The following SMARCB1 variants were observed in gnomAD, a reference collection of about 807,000 sequenced individuals.
The protein encoded by SMARCB1 is SWI/SNF related BAF chromatin remodeling complex subunit B1.
Under a neutral mutation model 49.0 loss-of-function variants are expected in SMARCB1, and 5 were observed. The ratio of observed to expected loss-of-function variants is 0.10; its 90% CI spans 0.05 to 0.21. The LOEUF (loss-of-function observed/expected upper bound fraction) is 0.21, where lower values mean the gene tolerates loss of function less well. SMARCB1 is among the 10% of genes least tolerant of loss of function. The probability of loss-of-function intolerance (pLI) is 1.00; values close to 1 mark genes in which losing one functional copy is unlikely to be tolerated. For synonymous variants in SMARCB1, 201 were observed against 200.1 expected (o/e 1.00, Z -0.04); for missense variants, 226 against 509.2 (o/e 0.44, Z 5.35).
chr22:23,837,095 C>T lies in SMARCB1; in HGVS notation c.*2915C>T, dbSNP rs1289220342. ...CCAGGGGTCTGCAGGAGCCTCTTGC[C>T]TCCAGGCTGGTTGGGGAAGACGTCC... is the stretch of plus-strand genomic sequence containing the variant. On this transcript the variant is annotated 3_prime_UTR_variant, in exon 9 of 9. Coordinates refer to ENST00000644036, the MANE Select transcript of SMARCB1 (RefSeq NM_003073.5). The T allele has an allele frequency of 8.1e-6, 13 of 1,614,018 alleles. No homozygotes were observed. The highest frequency in any genetic ancestry group is 1.1e-5 in the Non-Finnish European group (13 of 1,179,934).
intron 1 of SMARCB1, among the ~76,000 whole-genome samples, chr22:23,789,575 A>G (rs979274437): frequency 6.6e-6 from 1 of 152,206 alleles, no homozygotes; most frequent in Admixed American, 6.5e-5. Context: ...ATGGTCTCCA[A>G]GATCTTCCCC....
rs1199235393 is a variant in SMARCB1, at chr22:23,833,552, A to G, written c.987-20A>G. 11 of 1,614,014 alleles carry G rather than the reference A, an allele frequency of 6.8e-6. No homozygotes were observed. The highest frequency in any genetic ancestry group is 1.7e-5 in the Admixed American group (1 of 60,006). On this transcript the variant is annotated intron_variant, in intron 7 of 8. Coordinates refer to ENST00000644036, the MANE Select transcript of SMARCB1 (RefSeq NM_003073.5). Reference sequence around the variant, plus strand: ...TATAGCTGGAAAAGTCATTCCTCTCACTGCCTCCCCTCCTCGTAGCGAGAA... The same window carrying G: ...TATAGCTGGAAAAGTCATTCCTCTCGCTGCCTCCCCTCCTCGTAGCGAGAA...
intron 5 of SMARCB1, among the ~76,000 whole-genome samples, chr22:23,806,287 C>T (rs1929491664): frequency 1.3e-5 from 2 of 152,196 alleles, no homozygotes; most frequent in Admixed American, 6.5e-5. Flanking sequence ...CCAGGATCGT[C>T]CATGAACTCC....
chr22:23,809,275 CTTTT>C (rs1259830307), intron 5 of SMARCB1, among the ~76,000 whole-genome samples: 4 of 134,344 alleles, frequency 3.0e-5, no homozygotes, highest in African/African-American at 2.8e-5. Context: ...ATTGGACATT[CTTTT>C]TTTTTTTTTT....
chr22:23,836,989 C>G lies in SMARCB1; in HGVS notation c.*2809C>G, dbSNP rs201370576. On this transcript the variant is annotated 3_prime_UTR_variant, in exon 9 of 9. Coordinates refer to ENST00000644036, the MANE Select transcript of SMARCB1 (RefSeq NM_003073.5). ...TGTGGGGAGGGGCCCGTGTTGAGCACAGGCCAGCACAGGTCCCCATCGGTG... is the reference window on the plus strand; with the variant it reads ...TGTGGGGAGGGGCCCGTGTTGAGCAGAGGCCAGCACAGGTCCCCATCGGTG... 9,517 of 1,606,554 alleles carry G rather than the reference C, an allele frequency of 5.9e-3. 333 individuals are homozygous for G. The South Asian group carries it at 0.073, about 12-fold the overall frequency.
At chr22:23,809,642 A>G (rs1162391323) in intron 5 of SMARCB1, among the ~76,000 whole-genome samples, 2 of 149,616 alleles carry the variant, frequency 1.3e-5, no homozygotes, top group African/African-American at 5.0e-5. Flanking sequence ...CGATCTCCTG[A>G]CCTCGTGTTC....
At chr22:23,787,304 G>A in intron 1 of SMARCB1, 42 bp downstream of exon 1, 1 of 1,306,774 alleles carries the variant, frequency 7.7e-7, no homozygotes, top group Non-Finnish European at 1.1e-6. Context: ...GCTCGGCCCC[G>A]CGGGAGCCCC....
rs909069961 is a variant in SMARCB1, at chr22:23,835,819, T to C, written c.*1639T>C. 1 of 985,230 alleles carries C rather than the reference T, an allele frequency of 1.0e-6. No individual in the cohort carries two copies. Among genetic ancestry groups the C allele is most frequent in the African/African-American group, 1.7e-5 (1 of 57,180 alleles). The allele number at this position is 985,230 out of a possible 1,614,324, so 61.0% of individuals were successfully genotyped here. On this transcript the variant is annotated 3_prime_UTR_variant, in exon 9 of 9. Transcript: ENST00000644036. ...AACCTTGGCTGCCTCACCCCACAGGTCGGGCAGGGCCACCTGGCTGGGAGG... is the reference window on the plus strand; with the variant it reads ...AACCTTGGCTGCCTCACCCCACAGGCCGGGCAGGGCCACCTGGCTGGGAGG...
intron 5 of SMARCB1, 90 bp downstream of exon 5, chr22:23,803,512 C>A: frequency 6.7e-7 from 1 of 1,488,664 alleles, no homozygotes; most frequent in Non-Finnish European, 9.3e-7. Context: ...GCCTGTCAGG[C>A]AGATTCTGGA....
At chr22:23,797,293 T>C (rs5760024) in intron 3 of SMARCB1, among the ~76,000 whole-genome samples, 136,347 of 147,602 alleles carry the variant, frequency 0.92, 63,145 homozygotes, top group Middle Eastern at 0.96. Context: ...CCACCGGGCC[T>C]GGCCTGTTTT....
At chr22:23,812,819 T>G (rs1364115242) in intron 5 of SMARCB1, among the ~76,000 whole-genome samples, 1 of 151,016 alleles carries the variant, frequency 6.6e-6, no homozygotes, top group East Asian at 1.9e-4. Context: ...GGAAACTTCC[T>G]CCATTTAGTA....
chr22:23,806,240 C>T (rs1055717774), intron 5 of SMARCB1, among the ~76,000 whole-genome samples: 1 of 152,198 alleles, frequency 6.6e-6, no homozygotes, highest in Admixed American at 6.5e-5. Flanking sequence ...AGATTTCCTA[C>T]AGCCCTCAGG....
intron 3 of SMARCB1, among the ~76,000 whole-genome samples, chr22:23,794,120 T>C (rs979761457): frequency 7.6e-4 from 115 of 152,222 alleles, no homozygotes; most frequent in African/African-American, 2.6e-3. Flanking sequence ...AATTTTGTAT[T>C]TTTGGTAGAG....
intron 7 of SMARCB1, among the ~76,000 whole-genome samples, chr22:23,827,453 C>A (rs958255058): frequency 1.3e-5 from 2 of 152,214 alleles, no homozygotes; most frequent in Non-Finnish European, 2.9e-5. Flanking sequence ...CCTGGGGAGT[C>A]CCTGGTGGTG....
rs1481820849 is a variant in SMARCB1, at chr22:23,834,430, TTG to T, written c.*254_*255del. On this transcript the variant is annotated 3_prime_UTR_variant, in exon 9 of 9. Coordinates refer to ENST00000644036, the MANE Select transcript of SMARCB1 (RefSeq NM_003073.5). ...GGTCAGGAAGAAACCTTATTTTAGG[TTG>T]TGTTTTGTTTTTGTATAGGAGCCCC... is the stretch of plus-strand genomic sequence containing the variant. 3 of 661,240 alleles carry T rather than the reference TTG, an allele frequency of 4.5e-6. No individual in the cohort carries two copies. Among genetic ancestry groups the T allele is most frequent in the East Asian group, 2.8e-5 (1 of 35,286 alleles). The allele number at this position is 661,240 out of a possible 1,614,324, so 41.0% of individuals were successfully genotyped here.
Position 23,837,239 on chromosome 22 carries a change from A to G in SMARCB1, c.*3059A>G. 1 of 1,512,744 alleles carries G rather than the reference A, an allele frequency of 6.6e-7. No homozygotes were observed. The allele number at this position is 1,512,744 out of a possible 1,614,324, so 93.7% of individuals were successfully genotyped here. On this transcript the variant is annotated 3_prime_UTR_variant, in exon 9 of 9. Coordinates refer to ENST00000644036, the MANE Select transcript of SMARCB1 (RefSeq NM_003073.5). ...GAGCCTGCCCCAGGCCCCCATCCAC[A>G]GCCTGGTGGCCCTGCAGGCCCCACA...
chr22:23,799,679 A>ATTTTTTTTTTTTTCTT, intron 3 of SMARCB1, among the ~76,000 whole-genome samples: 1 of 68,406 alleles, frequency 1.5e-5, no homozygotes, highest in Non-Finnish European at 2.7e-5. Context: ...CACCTGGCTA[A>ATTTTTTTTTTTTTCTT]TTTTTTTTTT....
At position 23,803,259 on chromosome 22, in the gene SMARCB1, C is replaced by T. The variant is rs758235277; in HGVS notation, c.501-36C>T. The stretch of plus-strand genomic sequence containing the variant: ...AAAATTTGCATACCTAGGGCTCCGG[C>T]CCCCTCGCTGACTGTTGCTTCCATT... On this transcript the variant is annotated intron_variant, in intron 4 of 8. Transcript: ENST00000644036. 5 of 1,613,608 alleles carry T rather than the reference C, an allele frequency of 3.1e-6. No individual in the cohort carries two copies. The African/African-American group carries it at 5.3e-5, about 17-fold the overall frequency.
In SMARCB1 at chr22:23,825,220, C is replaced by T. The variant is rs2146026596; in HGVS notation, c.796-5C>T. The T allele has an allele frequency of 1.2e-6, 2 of 1,613,440 alleles. No homozygotes were observed. Among genetic ancestry groups the T allele is most frequent in the Non-Finnish European group, 1.7e-6 (2 of 1,179,342 alleles). ...CTAACTTGTGTCCTTTGGTTGTTGC[C>T]TCAGCTGAACATCCATGTGGGAAAC... On this transcript the variant is annotated splice_region_variant and splice_polypyrimidine_tract_variant and intron_variant, in intron 6 of 8. Coordinates refer to ENST00000644036, the MANE Select transcript of SMARCB1 (RefSeq NM_003073.5).
Sources: gnomAD v4.1 joint callset for allele counts (sites outside exome capture counted in the v4.1 genomes callset) on GRCh38, gnomAD v4.1.1 for gene constraint, MANE v1.5 for transcripts, NCBI Gene and HGNC (gene_info 2026-07-23, HGNC 2026-07-21) for gene names.